Variants in XKR6 observed in about 807,000 individuals in gnomAD.
XKR6 encodes the protein XK-related protein 6.
In XKR6, 22 loss-of-function variants were observed where a neutral mutation model predicts 56.7. The observed-to-expected ratio is 0.39, with a 90% CI of 0.28 to 0.55. The LOEUF is 0.55. XKR6 is among the 20% of genes least tolerant of loss of function. The pLI is 0.66. For missense variants in XKR6, 852 were observed against 889.0 expected (o/e 0.96, Z 0.53); for synonymous variants, 524 against 387.8 (o/e 1.35, Z -4.13).
intron 1 of XKR6, among the ~76,000 whole-genome samples, chr8:10,977,368 G>T (rs896419376): frequency 6.6e-6 from 1 of 152,014 alleles, no homozygotes; most frequent in Non-Finnish European, 1.5e-5. Context: ...TACATGTGGA[G>T]AATGACAAAT....
At chr8:11,178,014 G>C (rs2117073839) in intron 1 of XKR6, among the ~76,000 whole-genome samples, 1 of 152,244 alleles carries the variant, frequency 6.6e-6, no homozygotes, top group Non-Finnish European at 1.5e-5. Flanking sequence ...CATCGCACCT[G>C]GTTTACTAAC....
chr8:11,048,219 C>T (rs774615372), intron 1 of XKR6, among the ~76,000 whole-genome samples: 11 of 152,152 alleles, frequency 7.2e-5, no homozygotes, highest in East Asian at 5.8e-4. Context: ...CGTATCTCAC[C>T]GACAGGTCAC....
intron 1 of XKR6, among the ~76,000 whole-genome samples, chr8:11,149,177 A>G (rs745933117): frequency 3.9e-5 from 6 of 152,200 alleles, no homozygotes; most frequent in African/African-American, 7.2e-5. Flanking sequence ...ATGGGAAAAC[A>G]TTCCGAGAAA....
intron 1 of XKR6, among the ~76,000 whole-genome samples, chr8:11,076,785 G>A (rs1201627748): frequency 2.0e-5 from 3 of 152,210 alleles, no homozygotes; most frequent in Non-Finnish European, 4.4e-5. Flanking sequence ...TGGGCCCGCA[G>A]AGGACAGGCA....
At chr8:10,993,549 G>T (rs10111601) in intron 1 of XKR6, among the ~76,000 whole-genome samples, 1 of 152,144 alleles carries the variant, frequency 6.6e-6, no homozygotes, top group Non-Finnish European at 1.5e-5. Context: ...GTGCTCAGCC[G>T]TTCCAAAAGC....
At chr8:10,933,743 T>C (rs1248254947) in intron 1 of XKR6, among the ~76,000 whole-genome samples, 1 of 150,306 alleles carries the variant, frequency 6.7e-6, no homozygotes, top group African/African-American at 2.5e-5. Flanking sequence ...CTCTATTCTG[T>C]TCCATTGATC....
intron 1 of XKR6, among the ~76,000 whole-genome samples, chr8:11,102,795 C>A (rs1234670287): frequency 6.6e-6 from 1 of 152,202 alleles, no homozygotes; most frequent in Non-Finnish European, 1.5e-5. Context: ...GAGAAACCAA[C>A]ACTGCCTGTC....
At position 11,132,765 on chromosome 8, in the gene XKR6, ACG is replaced by A. The variant is rs1236751083; in HGVS notation, c.764+67809_764+67810del. Among the ~76,000 whole-genome samples, 10 of 114,582 alleles carry A rather than the reference ACG, an allele frequency of 8.7e-5. 1 individual carries two copies. The highest frequency in any genetic ancestry group is 5.1e-4 in the African/African-American group (10 of 19,616). 75.2% of individuals were successfully genotyped at this position (114,582 alleles called of 152,430 possible). On this transcript the variant is annotated intron_variant, in intron 1 of 2. Coordinates refer to ENST00000416569, the MANE Select transcript of XKR6 (RefSeq NM_173683.4). ...TCCCTTCATTCATACACACACACGCACGCACACACACACACACACACGCACAT... is the reference window on the plus strand; with the variant it reads ...TCCCTTCATTCATACACACACACGCACACACACACACACACACACGCACAT...
intron 1 of XKR6, among the ~76,000 whole-genome samples, chr8:11,133,980 A>G (rs1028721107): frequency 6.6e-5 from 10 of 152,170 alleles, no homozygotes; most frequent in Non-Finnish European, 1.0e-4. Context: ...TCTTCTATCA[A>G]ATAGCCTCAT....
At chr8:11,082,099 A>T (rs1563123841) in intron 1 of XKR6, among the ~76,000 whole-genome samples, 1 of 152,170 alleles carries the variant, frequency 6.6e-6, no homozygotes, top group Non-Finnish European at 1.5e-5. Flanking sequence ...ACCTCCTTCC[A>T]CTGCCAGAAG....
chr8:11,009,911 C>G (rs1798461528), intron 1 of XKR6, among the ~76,000 whole-genome samples: 1 of 151,968 alleles, frequency 6.6e-6, no homozygotes, highest in Non-Finnish European at 1.5e-5. Flanking sequence ...ACCTTTGTAA[C>G]AATTCTATAA....
chr8:11,089,095 G>C (rs149019453), intron 1 of XKR6, among the ~76,000 whole-genome samples: 1 of 152,188 alleles, frequency 6.6e-6, no homozygotes, highest in Non-Finnish European at 1.5e-5. Flanking sequence ...GAAAGCATAG[G>C]ACGTGACCTG....
chr8:11,122,570 T>C (rs967878273), intron 1 of XKR6, among the ~76,000 whole-genome samples: 8 of 152,226 alleles, frequency 5.3e-5, no homozygotes, highest in Non-Finnish European at 1.0e-4. Context: ...TTTGACATTT[T>C]TCCATTGGCA....
At chr8:11,100,767 G>T (rs560703139) in intron 1 of XKR6, among the ~76,000 whole-genome samples, 9 of 152,236 alleles carry the variant, frequency 5.9e-5, no homozygotes, top group Non-Finnish European at 1.3e-4. Context: ...AGTTTCTGGG[G>T]AGGAAGGTAG....
chr8:10,898,110 G>T lies in XKR6; in HGVS notation c.1768C>A (p.Pro590Thr). 1.1e-5 allele frequency: 18 copies of T among 1,614,128 alleles called. No homozygotes were observed. Among genetic ancestry groups the T allele is most frequent in the Non-Finnish European group, 1.5e-5 (18 of 1,180,008 alleles). Residue 590 changes from proline (P) to threonine (T), a missense_variant, in exon 3 of 3, where the codon CCA (proline) becomes ACA (threonine). Around this residue, in one of 4 missense-constraint regions of XKR6, gnomAD observed 197 missense variants for 190.9 expected, o/e 1.03. Transcript: ENST00000416569. The surrounding 1 kb of genome is among the most constrained non-coding windows in gnomAD (Gnocchi z 6.6). ...PEGPLIKIDM[P>T]RKRYPAWDAH... is the part of the protein sequence containing the mutation. The stretch of plus-strand genomic sequence containing the variant: ...TCCCAAGCTGGGTATCGCTTTCTTG[G>T]CATGTCAATCTTAATGAGGGGCCCT...
intron 1 of XKR6, among the ~76,000 whole-genome samples, chr8:10,954,285 A>T (rs1801810737): frequency 6.6e-6 from 1 of 152,234 alleles, no homozygotes. Context: ...CCCACAAACA[A>T]TGCAATGAGC....
At chr8:11,045,615 G>T (rs976459546) in intron 1 of XKR6, among the ~76,000 whole-genome samples, 2 of 152,204 alleles carry the variant, frequency 1.3e-5, no homozygotes, top group African/African-American at 4.8e-5. Context: ...ATTAAACAAT[G>T]TGTGTATAGT....
In XKR6 at chr8:10,897,803, T is replaced by A; in HGVS notation, c.*149A>T. 1 of 999,038 alleles carries A rather than the reference T, an allele frequency of 1.0e-6. No individual in the cohort carries two copies. The highest frequency in any genetic ancestry group is 1.4e-6 in the Non-Finnish European group (1 of 714,446). The allele number at this position is 999,038 out of a possible 1,614,324, so 61.9% of individuals were successfully genotyped here. A position where few individuals can be genotyped will look rare whatever the true frequency, so the allele number is the denominator to read the frequency against. On this transcript the variant is annotated 3_prime_UTR_variant, in exon 3 of 3. Coordinates refer to ENST00000416569, the MANE Select transcript of XKR6 (RefSeq NM_173683.4). ...AGGGGTTGTGACTTATTAATTCTTT[T>A]TTTTTTGTAGTGGTGGTGTTGGTGT... is the stretch of plus-strand genomic sequence containing the variant.
intron 1 of XKR6, among the ~76,000 whole-genome samples, chr8:10,951,300 G>GTGTGTGTGT (rs988183717): frequency 0.012 from 1,439 of 122,330 alleles, 40 homozygotes; most frequent in African/African-American, 0.054. Context: ...TGTGTGTGTG[G>GTGTGTGTGT]GGGGGGGGGG....
Sources: gnomAD v4.1 joint callset for allele counts (sites outside exome capture counted in the v4.1 genomes callset) on GRCh38, gnomAD v4.1.1 for gene constraint, gnomAD v4.1.1 regional missense constraint, Gnocchi (gnomAD v3.1) non-coding constraint, MANE v1.5 for transcripts, NCBI Gene and HGNC (gene_info 2026-07-23, HGNC 2026-07-21) for gene names.